ST7: variants seen among roughly 807,000 people sequenced by gnomAD.
ST7 encodes the protein suppressor of tumorigenicity 7 protein.
Under a neutral mutation model 78.7 loss-of-function variants are expected in ST7, and 28 were observed. The observed-to-expected ratio is 0.36, with a 90% CI of 0.26 to 0.49. ST7 has a LOEUF of 0.49. Among genes scored for constraint, ST7 ranks in the 20% least tolerant of loss-of-function variants. ST7 has a pLI of 0.99. For missense variants in ST7, 418 were observed against 696.0 expected (o/e 0.60, Z 4.49); for synonymous variants, 247 against 249.6 (o/e 0.99, Z 0.10).
At chr7:117,097,131 C>T (rs1464492746) in intron 1 of ST7, among the ~76,000 whole-genome samples, 3 of 151,992 alleles carry the variant, frequency 2.0e-5, no homozygotes, top group Non-Finnish European at 4.4e-5. Flanking sequence ...TCTTTCCTCT[C>T]CATTGCTTTG....
chr7:117,226,659 A>T (rs1188055057), intron 15 of ST7, among the ~76,000 whole-genome samples: 2 of 152,208 alleles, frequency 1.3e-5, no homozygotes, highest in African/African-American at 4.8e-5. Flanking sequence ...GAAAGGGCTT[A>T]GCAGCTTCAG....
intron 1 of ST7, among the ~76,000 whole-genome samples, chr7:117,032,664 T>G (rs1324100896): frequency 6.6e-6 from 1 of 152,216 alleles, no homozygotes; most frequent in Non-Finnish European, 1.5e-5. Context: ...CTTGAAGCCA[T>G]GTTTGATAGA....
At chr7:117,159,975 G>T (rs893731231) in intron 9 of ST7, among the ~76,000 whole-genome samples, 4 of 152,106 alleles carry the variant, frequency 2.6e-5, no homozygotes, top group African/African-American at 9.7e-5. Flanking sequence ...ACTGAGGCGG[G>T]TGGATCACCT....
chr7:116,960,350 C>T (rs939202011), intron 1 of ST7, among the ~76,000 whole-genome samples: 2 of 151,972 alleles, frequency 1.3e-5, no homozygotes, highest in African/African-American at 4.8e-5. Context: ...CCATCATGTC[C>T]GGCTAAGTTT....
chr7:116,972,357 A>G, intron 1 of ST7: 2 of 627,500 alleles, frequency 3.2e-6, no homozygotes, highest in Admixed American at 2.4e-5. Flanking sequence ...TCTCTTTCTC[A>G]TATTTGTCTT....
At chr7:116,987,864 C>T (rs1303961648) in intron 1 of ST7, among the ~76,000 whole-genome samples, 3 of 152,208 alleles carry the variant, frequency 2.0e-5, no homozygotes, top group African/African-American at 7.2e-5. Flanking sequence ...GCTGGGATTA[C>T]AGACGCCTAC....
chr7:117,097,419 G>A (rs548987923), intron 1 of ST7, among the ~76,000 whole-genome samples: 1 of 150,492 alleles, frequency 6.6e-6, no homozygotes, highest in Admixed American at 6.6e-5. Context: ...TCCGCCTCCC[G>A]GGTTCAAACG....
At chr7:117,110,634 C>T (rs550035364) in intron 2 of ST7, among the ~76,000 whole-genome samples, 2 of 152,224 alleles carry the variant, frequency 1.3e-5, no homozygotes, top group Non-Finnish European at 2.9e-5. Context: ...TTCTAGCCTG[C>T]TGTACAAATG....
At chr7:117,182,013 C>T (rs2117330674) in intron 10 of ST7, among the ~76,000 whole-genome samples, 1 of 152,234 alleles carries the variant, frequency 6.6e-6, no homozygotes, top group East Asian at 1.9e-4. Flanking sequence ...GCAGACATAT[C>T]ATTGCAGACT....
intron 1 of ST7, among the ~76,000 whole-genome samples, chr7:117,098,211 C>T (rs1413737158): frequency 3.3e-5 from 5 of 151,702 alleles, no homozygotes; most frequent in Admixed American, 3.3e-4. Flanking sequence ...GTGTACCCTT[C>T]AACATCCATG....
chr7:116,976,779 G>A (rs1375187345), intron 1 of ST7, among the ~76,000 whole-genome samples: 2 of 152,134 alleles, frequency 1.3e-5, no homozygotes, highest in African/African-American at 4.8e-5. Context: ...TTACCACATG[G>A]TTGTACCATT....
chr7:117,125,713 A>G (rs1487767274), intron 3 of ST7, among the ~76,000 whole-genome samples: 2 of 152,114 alleles, frequency 1.3e-5, no homozygotes, highest in African/African-American at 4.8e-5. Context: ...ATACAAGCCA[A>G]TGAAACTTTA....
At chr7:117,100,700 C>T (rs1158520556) in intron 2 of ST7, among the ~76,000 whole-genome samples, 1 of 151,924 alleles carries the variant, frequency 6.6e-6, no homozygotes, top group Non-Finnish European at 1.5e-5. Context: ...ATTTGTATGG[C>T]TCTATTACCT....
At chr7:117,128,766 G>A (rs1804084607) in intron 3 of ST7, among the ~76,000 whole-genome samples, 1 of 151,940 alleles carries the variant, frequency 6.6e-6, no homozygotes, top group Non-Finnish European at 1.5e-5. Context: ...ATGGATGGAT[G>A]TTGAATGTAC....
At chr7:117,179,907 C>T (rs1370364239) in intron 10 of ST7, among the ~76,000 whole-genome samples, 3 of 152,130 alleles carry the variant, frequency 2.0e-5, no homozygotes, top group Admixed American at 2.0e-4. Flanking sequence ...GAGTGGAGTG[C>T]CACTGCAGTG....
chr7:116,987,429 A>C (rs1174090116), intron 1 of ST7, among the ~76,000 whole-genome samples: 1 of 152,146 alleles, frequency 6.6e-6, no homozygotes, highest in East Asian at 1.9e-4. Context: ...GCAGCAAGAA[A>C]ACTGCTCCTC....
intron 1 of ST7, among the ~76,000 whole-genome samples, chr7:117,015,596 T>C (rs1474219895): frequency 5.3e-5 from 8 of 152,192 alleles, no homozygotes; most frequent in Non-Finnish European, 1.2e-4. Context: ...CACTGAATGG[T>C]AAATTGGTAC....
intron 1 of ST7, among the ~76,000 whole-genome samples, chr7:117,089,528 G>A (rs1167017310): frequency 6.6e-6 from 1 of 150,788 alleles, no homozygotes; most frequent in Admixed American, 6.6e-5. Flanking sequence ...CTTACTTTTG[G>A]AGGCAATAAC....
intron 12 of ST7, among the ~76,000 whole-genome samples, chr7:117,196,278 A>G (rs550889687): frequency 5.3e-5 from 8 of 152,342 alleles, no homozygotes; most frequent in African/African-American, 1.9e-4. Context: ...TTTTGAATGA[A>G]TACCCAGAAG....
Sources: allele counts gnomAD v4.1 joint callset (sites outside exome capture counted in the v4.1 genomes callset), GRCh38; gene constraint gnomAD v4.1.1; transcripts MANE v1.5; gene names NCBI Gene and HGNC (gene_info 2026-07-23, HGNC 2026-07-21).